The following EYS variants were observed in gnomAD, a reference collection of about 807,000 sequenced individuals.
The protein encoded by EYS is protein eyes shut homolog.
EYS carries 250 observed loss-of-function variants against 282.1 expected under a neutral mutation model. The observed-to-expected ratio is 0.89, with a 90% CI of 0.80 to 0.98. The LOEUF is 0.98. Among genes scored for constraint, EYS ranks in the 50% least tolerant of loss-of-function variants. EYS has a pLI of 0.00. For missense variants in EYS, 4,016 were observed against 3,709.0 expected (o/e 1.08, Z -2.15); for synonymous variants, 1,355 against 1,282.9 (o/e 1.06, Z -1.20).
intron 12 of EYS, among the ~76,000 whole-genome samples, chr6:65,176,871 C>G (rs1765238541): frequency 6.6e-6 from 1 of 151,516 alleles, no homozygotes; most frequent in Admixed American, 6.6e-5. Flanking sequence ...ATAACTAGAA[C>G]ATGTTAATTT....
At chr6:64,602,873 C>T (rs989122646) in intron 24 of EYS, among the ~76,000 whole-genome samples, 1 of 152,090 alleles carries the variant, frequency 6.6e-6, no homozygotes, top group Non-Finnish European at 1.5e-5. Context: ...TTTACAACCA[C>T]CCTACCTAAA....
At position 65,405,279 on chromosome 6, in the gene EYS, A is replaced by G. The variant is rs993944802; in HGVS notation, c.951T>C (p.Thr317=). 3.7e-6 allele frequency: 6 copies of G among 1,613,222 alleles called. No homozygotes were observed. Among genetic ancestry groups the G allele is most frequent in the Non-Finnish European group, 5.1e-6 (6 of 1,179,520 alleles). The part of the protein sequence containing the change: ...GICPNSSSAY[T]YECPKGSSSQ... ...TGGAAGATCCTTTTGGGCATTCATA[A>G]GTATAAGCAGAACTGCTATTTGGGC... is the stretch of plus-strand genomic sequence containing the variant. Residue 317 remains threonine (T), a synonymous_variant, in exon 6 of 43, where the codon ACT becomes ACC. Coordinates refer to ENST00000503581, the MANE Select transcript of EYS (RefSeq NM_001142800.2).
intron 2 of EYS, among the ~76,000 whole-genome samples, chr6:65,633,127 G>T (rs1431232011): frequency 6.6e-6 from 1 of 151,980 alleles, no homozygotes; most frequent in Non-Finnish European, 1.5e-5. Flanking sequence ...GCATTGTTAG[G>T]GTTGTGTTTT....
intron 29 of EYS, among the ~76,000 whole-genome samples, chr6:64,336,904 A>C (rs1449795311): frequency 6.6e-6 from 1 of 152,248 alleles, no homozygotes; most frequent in East Asian, 1.9e-4. Context: ...ACAAGATGGA[A>C]ATTTAAAAAT....
intron 41 of EYS, chr6:63,744,168 A>G (rs1033508395): frequency 2.6e-5 from 4 of 152,108 alleles, no homozygotes; most frequent in Admixed American, 6.6e-5. Flanking sequence ...TGCATACTCC[A>G]TATCTTGCTT....
At chr6:64,032,240 G>A (rs1354988434) in intron 33 of EYS, among the ~76,000 whole-genome samples, 4 of 151,986 alleles carry the variant, frequency 2.6e-5, no homozygotes, top group Admixed American at 1.3e-4. Context: ...AACTCCCGAC[G>A]CACCACCTTA....
At chr6:63,972,872 C>T (rs754123103) in intron 35 of EYS, among the ~76,000 whole-genome samples, 91 of 152,082 alleles carry the variant, frequency 6.0e-4, no homozygotes, top group Non-Finnish European at 1.2e-3. Flanking sequence ...TGAACTCATC[C>T]TTTTTTATGG....
intron 22 of EYS, among the ~76,000 whole-genome samples, chr6:64,752,373 G>T (rs1222155576): frequency 6.6e-6 from 1 of 151,860 alleles, no homozygotes; most frequent in Non-Finnish European, 1.5e-5. Flanking sequence ...ATAGTTGAAA[G>T]CCTTAACAAC....
intron 1 of EYS, among the ~76,000 whole-genome samples, chr6:65,665,699 C>T (rs1766724361): frequency 6.6e-6 from 1 of 152,006 alleles, no homozygotes; most frequent in Admixed American, 6.6e-5. Context: ...CATTCTTACC[C>T]TTCATGATTT....
chr6:63,836,625 A>G (rs961961673), intron 36 of EYS, among the ~76,000 whole-genome samples: 32 of 152,188 alleles, frequency 2.1e-4, no homozygotes, highest in African/African-American at 7.0e-4. Context: ...ATCATATGGT[A>G]TGGGAAGAAA....
At chr6:65,123,720 C>A (rs1171168985) in intron 12 of EYS, among the ~76,000 whole-genome samples, 1 of 151,480 alleles carries the variant, frequency 6.6e-6, no homozygotes, top group Non-Finnish European at 1.5e-5. Context: ...TCTTGGCTTT[C>A]TTAATCTTTC....
At chr6:63,949,602 C>T (rs369524858) in intron 35 of EYS, among the ~76,000 whole-genome samples, 25 of 152,082 alleles carry the variant, frequency 1.6e-4, no homozygotes, top group African/African-American at 5.8e-4. Flanking sequence ...ATAATAGATG[C>T]CATTTGTATA....
intron 36 of EYS, among the ~76,000 whole-genome samples, chr6:63,842,014 G>A (rs1771974176): frequency 1.3e-5 from 2 of 152,084 alleles, no homozygotes; most frequent in South Asian, 4.1e-4. Context: ...TCATTGATGG[G>A]CATTCAGGTT....
At chr6:64,293,210 A>C (rs990560465) in intron 30 of EYS, among the ~76,000 whole-genome samples, 1 of 152,126 alleles carries the variant, frequency 6.6e-6, no homozygotes, top group African/African-American at 2.4e-5. Flanking sequence ...TATTATTTAA[A>C]GAGTAGCCAA....
At chr6:65,288,360 C>T (rs1768428515) in intron 12 of EYS, among the ~76,000 whole-genome samples, 1 of 150,154 alleles carries the variant, frequency 6.7e-6, no homozygotes, top group South Asian at 2.1e-4. Context: ...ATTCTTTGTA[C>T]CATGGTGTGC....
At chr6:65,109,749 A>G (rs185484865) in intron 12 of EYS, among the ~76,000 whole-genome samples, 1 of 152,166 alleles carries the variant, frequency 6.6e-6, no homozygotes, top group Admixed American at 6.5e-5. Context: ...CAAAGCCCAC[A>G]GTGACAGTAA....
At chr6:64,656,693 T>C (rs1414014835) in intron 22 of EYS, among the ~76,000 whole-genome samples, 1 of 152,176 alleles carries the variant, frequency 6.6e-6, no homozygotes, top group African/African-American at 2.4e-5. Flanking sequence ...AAGGTGTGTA[T>C]ACCCAAACTT....
intron 31 of EYS, among the ~76,000 whole-genome samples, chr6:64,210,757 G>A (rs1337905275): frequency 1.3e-5 from 2 of 152,300 alleles, no homozygotes; most frequent in Middle Eastern, 3.4e-3. Context: ...GTGTGTCTGT[G>A]AGGGTGTTAC....
At chr6:63,853,546 TG>T (rs1279266964) in intron 36 of EYS, among the ~76,000 whole-genome samples, 1 of 152,174 alleles carries the variant, frequency 6.6e-6, no homozygotes, top group African/African-American at 2.4e-5. Flanking sequence ...GTCGTGCAAA[TG>T]GCCATACTGC....
Sources: gnomAD v4.1 joint callset for allele counts (sites outside exome capture counted in the v4.1 genomes callset) on GRCh38, gnomAD v4.1.1 for gene constraint, MANE v1.5 for transcripts, NCBI Gene and HGNC (gene_info 2026-07-23, HGNC 2026-07-21) for gene names.